Variants in DMXL1 observed in about 807,000 individuals in gnomAD.
DMXL1 encodes the protein Dmx like 1, also known as dmX-like protein 1.
A neutral mutation model predicts 319.2 loss-of-function variants in DMXL1; 99 were observed. That is an observed-to-expected ratio of 0.31 (90% CI 0.26 to 0.37). The LOEUF (loss-of-function observed/expected upper bound fraction) is 0.37, where lower values mean the gene tolerates loss of function less well. Ranked by LOEUF, DMXL1 falls within the 10% of genes least tolerant of loss-of-function variation. The pLI is 1.00. For missense variants in DMXL1, 3,745 were observed against 3,595.6 expected (o/e 1.04, Z -1.06); for synonymous variants, 1,385 against 1,235.2 (o/e 1.12, Z -2.54).
intron 28 of DMXL1, among the ~76,000 whole-genome samples, chr5:119,181,914 G>C (rs1561815490): frequency 6.6e-6 from 1 of 152,170 alleles, no homozygotes; most frequent in Non-Finnish European, 1.5e-5. Flanking sequence ...CTGAAAACTA[G>C]AGAGAGAAAA....
At chr5:119,099,340 A>C (rs1392351582) in intron 2 of DMXL1, among the ~76,000 whole-genome samples, 1 of 151,992 alleles carries the variant, frequency 6.6e-6, no homozygotes, top group Admixed American at 6.6e-5. Flanking sequence ...CCTCCCAAAT[A>C]GCTGGAATTA....
At chr5:119,145,773 A>G (rs1219191012) in intron 15 of DMXL1, among the ~76,000 whole-genome samples, 2 of 151,666 alleles carry the variant, frequency 1.3e-5, no homozygotes, top group Admixed American at 1.3e-4. Flanking sequence ...TTTTACTTTT[A>G]CCCAAAAACT....
chr5:119,172,297 CTT>C (rs1251328373), intron 25 of DMXL1, among the ~76,000 whole-genome samples: 1 of 152,078 alleles, frequency 6.6e-6, no homozygotes, highest in Admixed American at 6.5e-5. Context: ...AATATAGAAA[CTT>C]AATATTTTAA....
chr5:119,248,705 T>G lies in DMXL1; in HGVS notation c.*1486T>G, dbSNP rs1373497317. 2 of 152,458 alleles carry G rather than the reference T, an allele frequency of 1.3e-5. No homozygotes were observed. The highest frequency in any genetic ancestry group is 4.8e-5 in the African/African-American group (2 of 41,396). The allele number at this position is 152,458 out of a possible 1,614,324, so 9.4% of individuals were successfully genotyped here. On this transcript the variant is annotated 3_prime_UTR_variant, in exon 44 of 44. Coordinates refer to ENST00000539542, the MANE Select transcript of DMXL1 (RefSeq NM_001290321.3). Reference sequence around the variant, plus strand: ...TACTTTTATCTTAAAAGTATGTTGTTAAAGATTTTGTAAATTGTATTTCAA... The same window carrying G: ...TACTTTTATCTTAAAAGTATGTTGTGAAAGATTTTGTAAATTGTATTTCAA...
intron 2 of DMXL1, among the ~76,000 whole-genome samples, chr5:119,098,449 AT>A (rs142373739): frequency 0.55 from 80,865 of 148,176 alleles, 22,401 homozygotes; most frequent in East Asian, 0.96. Context: ...GATTTAGAAT[AT>A]TTTTTTTTTT....
intron 10 of DMXL1, chr5:119,132,770 A>G (rs1212308833): frequency 9.2e-6 from 5 of 543,720 alleles, no homozygotes; most frequent in Non-Finnish European, 1.9e-5. Context: ...CACCAAAGGT[A>G]AACGATTAAT....
chr5:119,182,979 G>C (rs962055501), intron 28 of DMXL1, among the ~76,000 whole-genome samples: 4 of 152,002 alleles, frequency 2.6e-5, no homozygotes, highest in African/African-American at 9.7e-5. Flanking sequence ...ATTGTGTTTT[G>C]TGATACTTGC....
At chr5:119,106,403 C>A (rs1021311084) in intron 4 of DMXL1, among the ~76,000 whole-genome samples, 1 of 152,064 alleles carries the variant, frequency 6.6e-6, no homozygotes, top group African/African-American at 2.4e-5. Context: ...CACAGAGAGA[C>A]ATAATTTATT....
intron 34 of DMXL1, among the ~76,000 whole-genome samples, chr5:119,213,794 T>C (rs1783207319): frequency 6.6e-6 from 1 of 152,218 alleles, no homozygotes; most frequent in Non-Finnish European, 1.5e-5. Context: ...CACCACTGAC[T>C]TCCAGTATAC....
At chr5:119,209,877 C>A (rs1260961068) in intron 34 of DMXL1, among the ~76,000 whole-genome samples, 1 of 152,104 alleles carries the variant, frequency 6.6e-6, no homozygotes, top group Non-Finnish European at 1.5e-5. Context: ...TTTGTATGTT[C>A]TGGATAAAAG....
chr5:119,231,888 T>C (rs900376267), intron 38 of DMXL1, among the ~76,000 whole-genome samples: 3 of 152,192 alleles, frequency 2.0e-5, no homozygotes, highest in African/African-American at 7.2e-5. Context: ...ACTGTTTACA[T>C]TGAATTGAGT....
chr5:119,144,750 G>A (rs915073655), intron 15 of DMXL1, 112 bp downstream of exon 15: 3 of 615,242 alleles, frequency 4.9e-6, no homozygotes, highest in Non-Finnish European at 8.0e-6. Flanking sequence ...AAAAATTGGG[G>A]TAGGTTTGTT....
chr5:119,118,668 AT>A, intron 7 of DMXL1, 146 bp from the exon 8 acceptor site: 1 of 539,436 alleles, frequency 1.9e-6, no homozygotes, highest in Non-Finnish European at 3.2e-6. Flanking sequence ...GTTGGCAAGC[AT>A]TTGCTGTGAT....
At chr5:119,101,498 C>T (rs1436431978) in intron 2 of DMXL1, among the ~76,000 whole-genome samples, 2 of 152,150 alleles carry the variant, frequency 1.3e-5, no homozygotes, top group East Asian at 1.9e-4. Context: ...TTAAAATGTA[C>T]TCAGGGAGTT....
intron 2 of DMXL1, among the ~76,000 whole-genome samples, chr5:119,101,661 C>A (rs1430580826): frequency 1.3e-5 from 2 of 152,060 alleles, no homozygotes; most frequent in African/African-American, 2.4e-5. Context: ...TTATTTCAAC[C>A]CTCAATGCTG....
At chr5:119,078,600 G>C (rs1489770879) in intron 1 of DMXL1, among the ~76,000 whole-genome samples, 1 of 152,102 alleles carries the variant, frequency 6.6e-6, no homozygotes, top group Non-Finnish European at 1.5e-5. Context: ...ACAGGTGTGT[G>C]CCACACCATG....
At chr5:119,234,657 GTA>G in intron 39 of DMXL1, among the ~76,000 whole-genome samples, 2 of 152,074 alleles carry the variant, frequency 1.3e-5, no homozygotes, top group African/African-American at 2.4e-5. Flanking sequence ...TAATTCTATT[GTA>G]CTTTTAGTTG....
intron 14 of DMXL1, 144 bp downstream of exon 14, chr5:119,144,074 C>G: frequency 3.7e-6 from 2 of 535,538 alleles, no homozygotes; most frequent in Admixed American, 3.4e-5. Flanking sequence ...TAATAGATAA[C>G]ATATTATTGT....
At chr5:119,099,926 A>G (rs1756861736) in intron 2 of DMXL1, among the ~76,000 whole-genome samples, 2 of 152,072 alleles carry the variant, frequency 1.3e-5, no homozygotes, top group African/African-American at 4.8e-5. Context: ...ACTTGAGCCC[A>G]GGAGTTCCAG....
Sources: allele counts gnomAD v4.1 joint callset (sites outside exome capture counted in the v4.1 genomes callset), GRCh38; gene constraint gnomAD v4.1.1; transcripts MANE v1.5; gene names NCBI Gene and HGNC (gene_info 2026-07-23, HGNC 2026-07-21).